The following LRRTM4 variants were observed in gnomAD, a reference collection of about 807,000 sequenced individuals.
The protein encoded by LRRTM4 is leucine-rich repeat transmembrane neuronal protein 4.
Under a neutral mutation model 47.6 loss-of-function variants are expected in LRRTM4, and 25 were observed. The observed-to-expected ratio is 0.53, with a 90% CI of 0.38 to 0.73. The LOEUF (loss-of-function observed/expected upper bound fraction) is 0.73, where lower values mean the gene tolerates loss of function less well. Among genes scored for constraint, LRRTM4 ranks in the 30% least tolerant of loss-of-function variants. LRRTM4 has a pLI of 0.00. For missense variants in LRRTM4, 638 were observed against 713.4 expected (o/e 0.89, Z 1.20); for synonymous variants, 311 against 269.5 (o/e 1.15, Z -1.51).
intron 3 of LRRTM4, among the ~76,000 whole-genome samples, chr2:76,865,964 A>C (rs563052844): frequency 1.3e-5 from 2 of 152,340 alleles, no homozygotes; most frequent in African/African-American, 4.8e-5. Context: ...ATTATTTTTA[A>C]GAAAACACAT....
At chr2:77,428,865 C>T (rs1399314349) in intron 3 of LRRTM4, among the ~76,000 whole-genome samples, 1 of 152,124 alleles carries the variant, frequency 6.6e-6, no homozygotes. Context: ...ATCGGTATGT[C>T]CCAAGACTCT....
At chr2:76,940,985 A>C (rs1675122900) in intron 3 of LRRTM4, among the ~76,000 whole-genome samples, 2 of 152,116 alleles carry the variant, frequency 1.3e-5, no homozygotes, top group African/African-American at 2.4e-5. Flanking sequence ...ATTTACATTA[A>C]TTTTCATAGT....
At chr2:76,986,828 G>C (rs1676816232) in intron 3 of LRRTM4, among the ~76,000 whole-genome samples, 1 of 151,946 alleles carries the variant, frequency 6.6e-6, no homozygotes, top group Middle Eastern at 3.4e-3. Context: ...TTCTTCTTTT[G>C]CTTTAGCTAA....
At chr2:77,023,892 G>A (rs1678360025) in intron 3 of LRRTM4, among the ~76,000 whole-genome samples, 1 of 152,044 alleles carries the variant, frequency 6.6e-6, no homozygotes, top group African/African-American at 2.4e-5. Context: ...CCACTCTAGT[G>A]GTACCAATTT....
chr2:76,974,233 T>C (rs1472093613), intron 3 of LRRTM4, among the ~76,000 whole-genome samples: 3 of 142,734 alleles, frequency 2.1e-5, no homozygotes, highest in African/African-American at 7.9e-5. Flanking sequence ...CATACATATA[T>C]ATATATACAT....
At chr2:77,288,222 G>T (rs925993747) in intron 3 of LRRTM4, among the ~76,000 whole-genome samples, 2 of 151,402 alleles carry the variant, frequency 1.3e-5, no homozygotes, top group Non-Finnish European at 2.9e-5. Flanking sequence ...TTATAAATTA[G>T]ATAAAATAAT....
intron 3 of LRRTM4, among the ~76,000 whole-genome samples, chr2:76,981,029 T>C (rs1306961982): frequency 6.6e-6 from 1 of 152,140 alleles, no homozygotes; most frequent in East Asian, 1.9e-4. Flanking sequence ...TTGATTAATG[T>C]AGTTATCAGA....
intron 3 of LRRTM4, among the ~76,000 whole-genome samples, chr2:76,827,872 G>C (rs2103883140): frequency 6.6e-6 from 1 of 151,900 alleles, no homozygotes; most frequent in African/African-American, 2.4e-5. Flanking sequence ...CTAGGAATCA[G>C]AATTTTAATT....
intron 3 of LRRTM4, among the ~76,000 whole-genome samples, chr2:77,126,202 A>G (rs1326735233): frequency 6.6e-6 from 1 of 152,040 alleles, no homozygotes; most frequent in African/African-American, 2.4e-5. Context: ...ACTTGCCTTG[A>G]TTATTGTTTA....
chr2:77,181,492 C>A (rs1673345753), intron 3 of LRRTM4, among the ~76,000 whole-genome samples: 1 of 151,946 alleles, frequency 6.6e-6, no homozygotes, highest in African/African-American at 2.4e-5. Flanking sequence ...CACTGGTACC[C>A]TTAGGAAATA....
At chr2:77,505,260 A>G (rs1678724343) in intron 3 of LRRTM4, among the ~76,000 whole-genome samples, 1 of 151,394 alleles carries the variant, frequency 6.6e-6, no homozygotes, top group South Asian at 2.1e-4. Context: ...ATAGGAAAAA[A>G]GATATTCCTC....
At chr2:76,794,615 CAAT>C (rs1675166207) in intron 3 of LRRTM4, among the ~76,000 whole-genome samples, 1 of 152,094 alleles carries the variant, frequency 6.6e-6, no homozygotes, top group South Asian at 2.1e-4. Flanking sequence ...TTTCAAAAAG[CAAT>C]AATTTTATCT....
At chr2:77,028,903 T>G (rs368780059) in intron 3 of LRRTM4, among the ~76,000 whole-genome samples, 1 of 150,440 alleles carries the variant, frequency 6.6e-6, no homozygotes, top group Non-Finnish European at 1.5e-5. Flanking sequence ...AGCGTGGTGG[T>G]GGGGGCCTGT....
At chr2:76,854,455 C>A (rs1485698446) in intron 3 of LRRTM4, among the ~76,000 whole-genome samples, 1 of 152,020 alleles carries the variant, frequency 6.6e-6, no homozygotes, top group Non-Finnish European at 1.5e-5. Flanking sequence ...AAATACAAAG[C>A]TATGAGGATG....
rs186857926 is a variant in LRRTM4, at chr2:77,047,218, C to G, written c.1552-298302G>C. 4.9e-3 allele frequency among the ~76,000 whole-genome samples: 741 copies of G among 152,052 alleles called. 4 individuals carry two copies. The highest frequency in any genetic ancestry group is 6.7e-3 in the Non-Finnish European group (457 of 67,980). On this transcript the variant is annotated intron_variant, in intron 3 of 3. Transcript: ENST00000409884. ...GATTGCATTATTAAATGAACTGAGC[C>G]TTACTCAGTCATTTCAGGCACAGCT...
intron 3 of LRRTM4, among the ~76,000 whole-genome samples, chr2:77,147,453 T>G (rs1324117680): frequency 3.3e-5 from 5 of 152,166 alleles, no homozygotes; most frequent in African/African-American, 1.2e-4. Flanking sequence ...GGGGTTTATT[T>G]TCAAGTGATT....
At position 76,774,042 on chromosome 2, in the gene LRRTM4, G is replaced by C. The variant is rs566549554; in HGVS notation, c.1552-25126C>G. On this transcript the variant is annotated intron_variant, in intron 3 of 3. Coordinates refer to ENST00000409884, the MANE Select transcript of LRRTM4 (RefSeq NM_001134745.3). The stretch of plus-strand genomic sequence containing the variant: ...CAGTCAAAATCCATATATATCTTTT[G>C]ACTACCCGAAAACTTAGCTACTAAT... Among the ~76,000 whole-genome samples the C allele has an allele frequency of 9.2e-5, 14 of 152,132 alleles. No individual in the cohort carries two copies. The South Asian group carries it at 2.9e-3, about 32-fold the overall frequency.
At chr2:77,216,516 G>C (rs1308614193) in intron 3 of LRRTM4, among the ~76,000 whole-genome samples, 3 of 151,680 alleles carry the variant, frequency 2.0e-5, no homozygotes, top group Non-Finnish European at 2.9e-5. Flanking sequence ...CTGTACTCCA[G>C]CCTGCTGACA....
intron 3 of LRRTM4, among the ~76,000 whole-genome samples, chr2:77,433,887 A>T (rs1038032197): frequency 6.6e-6 from 1 of 152,188 alleles, no homozygotes. Context: ...CTGTTTAGGA[A>T]TAGGTCTCTG....
Sources: gnomAD v4.1 joint callset for allele counts (sites outside exome capture counted in the v4.1 genomes callset) on GRCh38, gnomAD v4.1.1 for gene constraint, MANE v1.5 for transcripts, NCBI Gene and HGNC (gene_info 2026-07-23, HGNC 2026-07-21) for gene names.